PRKG1: variants seen among roughly 807,000 people sequenced by gnomAD.
The protein encoded by PRKG1 is protein kinase cGMP-dependent 1.
A neutral mutation model predicts 88.1 loss-of-function variants in PRKG1; 35 were observed. That is an observed-to-expected ratio of 0.40 (90% CI 0.30 to 0.53). The LOEUF (loss-of-function observed/expected upper bound fraction) is 0.53. Among genes scored for constraint, PRKG1 ranks in the 20% least tolerant of loss-of-function variants. PRKG1 has a pLI of 0.59. For synonymous variants in PRKG1, 303 were observed against 292.5 expected (o/e 1.04, Z -0.37); for missense variants, 540 against 839.8 (o/e 0.64, Z 4.41).
chr10:52,001,666 G>A (rs1046516924), intron 5 of PRKG1, among the ~76,000 whole-genome samples: 3 of 151,780 alleles, frequency 2.0e-5, no homozygotes, highest in Admixed American at 6.6e-5. Flanking sequence ...AGTAGCAAAA[G>A]TAAATACTTA....
chr10:51,690,908 CAG>C (rs1234500365), intron 3 of PRKG1, among the ~76,000 whole-genome samples: 1 of 107,230 alleles, frequency 9.3e-6, no homozygotes, highest in African/African-American at 3.8e-5. Context: ...AGCCTGGCGA[CAG>C]AGTGAGACTC....
chr10:51,658,776 C>T (rs1004913001), intron 3 of PRKG1, among the ~76,000 whole-genome samples: 1 of 151,924 alleles, frequency 6.6e-6, no homozygotes, highest in African/African-American at 2.4e-5. Context: ...TTTTCTTCTA[C>T]GGTTTTCAGA....
chr10:51,709,077 C>T (rs1404033964), intron 3 of PRKG1, among the ~76,000 whole-genome samples: 1 of 152,220 alleles, frequency 6.6e-6, no homozygotes, highest in Non-Finnish European at 1.5e-5. Flanking sequence ...TCCTCTAAAT[C>T]ATTCTCTCAA....
chr10:51,798,654 T>C (rs902139961), intron 3 of PRKG1, among the ~76,000 whole-genome samples: 18 of 152,130 alleles, frequency 1.2e-4, no homozygotes, highest in Non-Finnish European at 2.4e-4. Flanking sequence ...GATTTCAGAA[T>C]GTTTTTAAGA....
intron 1 of PRKG1, among the ~76,000 whole-genome samples, chr10:51,136,669 TA>T (rs1216884845): frequency 6.6e-6 from 1 of 151,938 alleles, no homozygotes; most frequent in African/African-American, 2.4e-5. Flanking sequence ...AATTATGTCA[TA>T]TAAGCAAAGT....
intron 3 of PRKG1, among the ~76,000 whole-genome samples, chr10:51,527,623 T>C (rs1841915148): frequency 6.6e-6 from 1 of 152,194 alleles, no homozygotes; most frequent in South Asian, 2.1e-4. Flanking sequence ...CAAAACAATA[T>C]ACATAGAAAA....
intron 2 of PRKG1, among the ~76,000 whole-genome samples, chr10:51,278,321 A>C (rs10996535): frequency 0.37 from 55,832 of 151,952 alleles, 10,470 homozygotes; most frequent in Admixed American, 0.49. Context: ...ATCATGTTGG[A>C]TAAGCTTTTT....
chr10:51,071,652 T>A (rs4576762), upstream of PRKG1, among the ~76,000 whole-genome samples: 135,753 of 152,244 alleles, frequency 0.89, 60,744 homozygotes, highest in African/African-American at 0.97. Flanking sequence ...TAAATACTGA[T>A]AAGTATTTAC....
chr10:51,700,000 T>C (rs1436788731), intron 3 of PRKG1, among the ~76,000 whole-genome samples: 1 of 152,268 alleles, frequency 6.6e-6, no homozygotes. Flanking sequence ...GTGTTTTTCG[T>C]TCTGACAAAG....
intron 3 of PRKG1, among the ~76,000 whole-genome samples, chr10:51,571,173 C>T (rs1271581895): frequency 1.3e-5 from 2 of 151,794 alleles, no homozygotes; most frequent in South Asian, 2.1e-4. Context: ...TGAGCATTAG[C>T]GTTTATGTGC....
intron 5 of PRKG1, among the ~76,000 whole-genome samples, chr10:51,965,696 A>G (rs940690248): frequency 6.6e-6 from 1 of 152,196 alleles, no homozygotes; most frequent in Middle Eastern, 3.2e-3. Flanking sequence ...CAGTAACAGT[A>G]AAAATATCTG....
chr10:52,152,082 G>A lies in PRKG1; in HGVS notation c.1002-9807G>A, dbSNP rs114369231. ...CTTTGTCCTAAGAGTTCATATAGGTGGATACCCTAAGACATACAGAGGACT... is the reference window on the plus strand; with the variant it reads ...CTTTGTCCTAAGAGTTCATATAGGTAGATACCCTAAGACATACAGAGGACT... On this transcript the variant is annotated intron_variant, in intron 8 of 17. Transcript: ENST00000373980. 3.4e-3 allele frequency among the ~76,000 whole-genome samples: 510 copies of A among 152,144 alleles called. 2 individuals are homozygous for A. The highest frequency in any genetic ancestry group is 0.012 in the African/African-American group (481 of 41,512).
chr10:52,141,638 G>T (rs559260394), intron 8 of PRKG1, among the ~76,000 whole-genome samples: 1 of 152,210 alleles, frequency 6.6e-6, no homozygotes, highest in African/African-American at 2.4e-5. Context: ...ACTTACAAAG[G>T]TTCTCTTTAG....
intron 6 of PRKG1, among the ~76,000 whole-genome samples, chr10:52,060,039 T>TGGGAGTTGCTACAGTAG (rs1846200762): frequency 6.6e-6 from 1 of 151,590 alleles, no homozygotes; most frequent in South Asian, 2.1e-4. Flanking sequence ...CAAGACCTAT[T>TGGGAGTTGCTACAGTAG]ATAAGGTTCA....
At chr10:52,238,505 GT>G (rs1358017976) in intron 9 of PRKG1, among the ~76,000 whole-genome samples, 1 of 151,992 alleles carries the variant, frequency 6.6e-6, no homozygotes, top group African/African-American at 2.4e-5. Flanking sequence ...CAAAAAGTGG[GT>G]GAAGGACATG....
At chr10:51,145,458 T>A (rs1845921373) in intron 1 of PRKG1, among the ~76,000 whole-genome samples, 1 of 152,176 alleles carries the variant, frequency 6.6e-6, no homozygotes, top group African/African-American at 2.4e-5. Context: ...TGTAATGAAA[T>A]GCGTACGGTC....
At chr10:51,835,877 C>T (rs1449056513) in intron 4 of PRKG1, among the ~76,000 whole-genome samples, 1 of 152,188 alleles carries the variant, frequency 6.6e-6, no homozygotes, top group Non-Finnish European at 1.5e-5. Context: ...GTTTTCTTCA[C>T]ATCCTCACTG....
chr10:52,295,944 A>T lies in PRKG1; in HGVS notation c.*2044A>T, dbSNP rs1352021758. The T allele has an allele frequency of 6.6e-6, 1 of 152,108 alleles. No homozygotes were observed. Among genetic ancestry groups the T allele is most frequent in the East Asian group, 1.9e-4 (1 of 5,188 alleles). 9.4% of individuals were successfully genotyped at this position (152,108 alleles called of 1,614,324 possible). On this transcript the variant is annotated 3_prime_UTR_variant, in exon 18 of 18. Transcript: ENST00000373980. ...TCTCCAAATTGGTCTATTCCCCAAG[A>T]TATCCACTGTTTTCTACAGATTTTA...
At chr10:52,144,559 C>T (rs1297374395) in intron 8 of PRKG1, among the ~76,000 whole-genome samples, 1 of 152,160 alleles carries the variant, frequency 6.6e-6, no homozygotes, top group Non-Finnish European at 1.5e-5. Flanking sequence ...GCCTGTAATC[C>T]CAGCACTTTG....
Sources: allele counts gnomAD v4.1 joint callset (sites outside exome capture counted in the v4.1 genomes callset), GRCh38; gene constraint gnomAD v4.1.1; transcripts MANE v1.5; gene names NCBI Gene and HGNC (gene_info 2026-07-23, HGNC 2026-07-21).